CTNND2: variants seen among roughly 807,000 people sequenced by gnomAD.
CTNND2 encodes the protein catenin delta-2.
Under a neutral mutation model 144.4 loss-of-function variants are expected in CTNND2, and 22 were observed. That is an observed-to-expected ratio of 0.15 (90% CI 0.11 to 0.22). CTNND2 has a LOEUF of 0.22. Among genes scored for constraint, CTNND2 ranks in the 10% least tolerant of loss-of-function variants. CTNND2 has a pLI of 1.00. For missense variants in CTNND2, 1,353 were observed against 1,618.8 expected (o/e 0.84, Z 2.82); for synonymous variants, 751 against 695.6 (o/e 1.08, Z -1.25).
intron 10 of CTNND2, among the ~76,000 whole-genome samples, chr5:11,207,489 T>C (rs763014318): frequency 6.6e-6 from 1 of 152,140 alleles, no homozygotes; most frequent in Non-Finnish European, 1.5e-5. Context: ...TCACTGTCTA[T>C]AAAGATGGAC....
intron 3 of CTNND2, among the ~76,000 whole-genome samples, chr5:11,422,322 A>T (rs1762436626): frequency 6.6e-6 from 1 of 152,188 alleles, no homozygotes; most frequent in Non-Finnish European, 1.5e-5. Context: ...GTTGCTCAGG[A>T]TGTCTTTCCT....
intron 8 of CTNND2, among the ~76,000 whole-genome samples, chr5:11,364,345 T>C (rs528655247): frequency 1.3e-5 from 2 of 152,362 alleles, no homozygotes; most frequent in African/African-American, 2.4e-5. Flanking sequence ...TCATCAAGCA[T>C]ACGTCTTTCA....
chr5:11,057,493 C>T (rs549311659), intron 16 of CTNND2, among the ~76,000 whole-genome samples: 1 of 152,378 alleles, frequency 6.6e-6, no homozygotes, highest in South Asian at 2.1e-4. Context: ...GTGACTTGCT[C>T]CTCCTTGCCT....
intron 9 of CTNND2, among the ~76,000 whole-genome samples, chr5:11,319,340 C>T (rs1288169167): frequency 1.3e-5 from 2 of 151,966 alleles, no homozygotes; most frequent in Non-Finnish European, 2.9e-5. Context: ...GGTTAAAGAC[C>T]TACACAATAA....
At chr5:11,068,410 C>G (rs879688692) in intron 16 of CTNND2, among the ~76,000 whole-genome samples, 3 of 152,022 alleles carry the variant, frequency 2.0e-5, no homozygotes, top group Admixed American at 2.0e-4. Context: ...GCATGTAGTT[C>G]TATTTTTATA....
intron 1 of CTNND2, among the ~76,000 whole-genome samples, chr5:11,859,982 A>T (rs535296472): frequency 6.6e-6 from 1 of 152,328 alleles, no homozygotes; most frequent in African/African-American, 2.4e-5. Flanking sequence ...GGAACTGGCA[A>T]AATAAGGGAG....
At chr5:11,052,638 C>T (rs910999530) in intron 16 of CTNND2, among the ~76,000 whole-genome samples, 1 of 152,094 alleles carries the variant, frequency 6.6e-6, no homozygotes, top group Non-Finnish European at 1.5e-5. Context: ...AATCTCATCT[C>T]CCTCCTCCCA....
chr5:11,585,049 C>T (rs186134241), intron 2 of CTNND2, among the ~76,000 whole-genome samples: 1 of 152,178 alleles, frequency 6.6e-6, no homozygotes, highest in Admixed American at 6.5e-5. Context: ...ACAATAATGG[C>T]CATGCTTTTC....
At chr5:11,633,993 G>C in intron 2 of CTNND2, among the ~76,000 whole-genome samples, 1 of 151,826 alleles carries the variant, frequency 6.6e-6, no homozygotes, top group East Asian at 1.9e-4. Context: ...TCTATTTTCT[G>C]TCCAATACCC....
intron 9 of CTNND2, among the ~76,000 whole-genome samples, chr5:11,282,694 A>T (rs1199627330): frequency 1.3e-5 from 2 of 152,208 alleles, no homozygotes; most frequent in Non-Finnish European, 2.9e-5. Flanking sequence ...AATTCTGATA[A>T]AAAGTGGGCT....
intron 9 of CTNND2, among the ~76,000 whole-genome samples, chr5:11,315,277 C>A (rs577368328): frequency 6.6e-6 from 1 of 152,132 alleles, no homozygotes; most frequent in African/African-American, 2.4e-5. Context: ...ACAGTTTTTG[C>A]CATCATTTTA....
intron 12 of CTNND2, among the ~76,000 whole-genome samples, chr5:11,148,236 A>G (rs1296314237): frequency 2.0e-5 from 3 of 152,198 alleles, no homozygotes; most frequent in African/African-American, 7.2e-5. Context: ...ATATTTTGGA[A>G]CTAGGTAGAT....
chr5:11,492,503 A>G (rs867239208), intron 3 of CTNND2, among the ~76,000 whole-genome samples: 2 of 122,658 alleles, frequency 1.6e-5, no homozygotes, highest in South Asian at 2.7e-4. Context: ...ATATATATAT[A>G]TATGTGTGTG....
chr5:11,529,005 T>C (rs13160599), intron 3 of CTNND2, among the ~76,000 whole-genome samples: 31,756 of 152,132 alleles, frequency 0.21, 3,477 homozygotes, highest in Admixed American at 0.29. Context: ...GATGAAAATA[T>C]GTGGGAAGGG....
At chr5:11,577,658 A>T (rs1396661380) in intron 2 of CTNND2, among the ~76,000 whole-genome samples, 1 of 152,192 alleles carries the variant, frequency 6.6e-6, no homozygotes, top group African/African-American at 2.4e-5. Flanking sequence ...ATTGGAGTTT[A>T]GGGGCAAATT....
intron 2 of CTNND2, among the ~76,000 whole-genome samples, chr5:11,635,819 C>T (rs752577617): frequency 6.6e-6 from 1 of 152,094 alleles, no homozygotes; most frequent in African/African-American, 2.4e-5. Context: ...AACCTGAAAC[C>T]TTTACGGGTT....
intron 10 of CTNND2, among the ~76,000 whole-genome samples, chr5:11,215,709 T>C (rs1739104175): frequency 3.3e-5 from 5 of 152,144 alleles, no homozygotes; most frequent in Admixed American, 3.3e-4. Context: ...CAAATTATCA[T>C]CCATTGATTC....
chr5:11,318,468 C>G (rs1751715422), intron 9 of CTNND2, among the ~76,000 whole-genome samples: 1 of 152,172 alleles, frequency 6.6e-6, no homozygotes, highest in South Asian at 2.1e-4. Flanking sequence ...TGCCCCCTCC[C>G]ACGTACAGGA....
In CTNND2 at chr5:11,554,338, A is replaced by G. The variant is rs1306441476; in HGVS notation, c.287+10606T>C. On this transcript the variant is annotated intron_variant, in intron 3 of 21. Transcript: ENST00000304623. ...AAGAATGTTCGCATCCCTAGGGTGA[A>G]AACAGACGAGAGACATTTAGGTGAC... is the stretch of plus-strand genomic sequence containing the variant. Among the ~76,000 whole-genome samples, 5 of 152,172 alleles carry G rather than the reference A, an allele frequency of 3.3e-5. No individual in the cohort carries two copies. The East Asian group carries it at 9.6e-4, about 29-fold the overall frequency.
Sources: gnomAD v4.1 joint callset for allele counts (sites outside exome capture counted in the v4.1 genomes callset) on GRCh38, gnomAD v4.1.1 for gene constraint, MANE v1.5 for transcripts, NCBI Gene and HGNC (gene_info 2026-07-23, HGNC 2026-07-21) for gene names.